The following NOTCH3 variants were observed in gnomAD, a reference collection of about 807,000 sequenced individuals.
NOTCH3 encodes notch receptor 3, also known as neurogenic locus notch homolog protein 3.
A neutral mutation model predicts 213.3 loss-of-function variants in NOTCH3; 86 were observed. The ratio of observed to expected loss-of-function variants is 0.40; its 90% CI spans 0.34 to 0.48. The LOEUF (loss-of-function observed/expected upper bound fraction) is 0.48, where lower values mean the gene tolerates loss of function less well. Ranked by LOEUF, NOTCH3 falls within the 20% of genes least tolerant of loss-of-function variation. NOTCH3 has a pLI of 0.57. For synonymous variants in NOTCH3, 1,354 were observed against 1,355.9 expected, an observed-to-expected ratio of 1.00 and a Z score of 0.03; for missense variants, 2,783 against 3,272.6, an observed-to-expected ratio of 0.85 and a Z score of 3.65.
chr19:15,197,129 G>A (rs969281565), intron 2 of NOTCH3, among the ~76,000 whole-genome samples: 19 of 152,222 alleles, frequency 1.2e-4, no homozygotes, highest in African/African-American at 4.3e-4. Context: ...GAGCCACTGC[G>A]ATTGGTCCCT....
intron 4 of NOTCH3, 24 bp downstream of exon 4, chr19:15,191,936 C>T (rs766350932): frequency 1.9e-6 from 3 of 1,613,492 alleles, no homozygotes; most frequent in African/African-American, 2.7e-5. Flanking sequence ...ACCCCTCTGA[C>T]TCTCCTGAGT....
rs748516303 is a variant in NOTCH3, at chr19:15,160,862, C to A, written c.6766G>T (p.Ala2256Ser). Residue 2256 changes from alanine to serine, a missense_variant, in exon 33 of 33, where the codon GCC becomes TCC. Ala to Ser is a moderately conservative substitution (Grantham distance 99, BLOSUM62 1). This residue lies in a region of NOTCH3 where 441 missense variants were observed against 432.1 expected (regional missense o/e 1.02). Transcript: ENST00000263388. The stretch of plus-strand genomic sequence containing the variant: ...GAGAGGGAGGGAGGTGAGGGGCTGG[C>A]CCAGTGCTCAGGGGATTCGGGGGAT... Reference protein sequence around the residue: ...TPSPESPEHWASPSPPSLSDW... With the variant: ...TPSPESPEHWSSPSPPSLSDW... 3.7e-6 allele frequency: 6 copies of A among 1,613,792 alleles called. No homozygotes were observed. In the African/African-American group the frequency reaches 8.0e-5, roughly 22 times the overall value.
intron 28 of NOTCH3, 68 bp downstream of exon 28, chr19:15,170,018 G>C (rs987944647): frequency 1.1e-6 from 1 of 877,350 alleles, no homozygotes; most frequent in Admixed American, 2.0e-5. Flanking sequence ...TCATCCACTG[G>C]GGACCCCACC....
intron 17 of NOTCH3, 152 bp from the exon 18 acceptor site, chr19:15,181,314 C>T: frequency 2.5e-6 from 2 of 791,442 alleles, no homozygotes; most frequent in Non-Finnish European, 2.1e-6. Flanking sequence ...CCAATCAGGT[C>T]CCTTAGCTCC....
intron 25 of NOTCH3, among the ~76,000 whole-genome samples, chr19:15,173,632 A>C (rs2046758406): frequency 6.6e-6 from 1 of 150,516 alleles, no homozygotes; most frequent in Non-Finnish European, 1.5e-5. Context: ...CTGGAGGCTG[A>C]GGCAGAGAAT....
At chr19:15,175,562 T>TATATAC (rs1313421470) in intron 24 of NOTCH3, among the ~76,000 whole-genome samples, 1 of 58,024 alleles carries the variant, frequency 1.7e-5, no homozygotes, top group Admixed American at 1.7e-4. Flanking sequence ...AATACATATA[T>TATATAC]ATATATATAT....
chr19:15,194,880 C>T (rs1193922446), intron 2 of NOTCH3, among the ~76,000 whole-genome samples: 2 of 151,402 alleles, frequency 1.3e-5, no homozygotes, highest in African/African-American at 2.4e-5. Context: ...TCGCTTGAAC[C>T]CAGGAGATAG....
Position 15,187,894 on chromosome 19 carries a change from G to A in NOTCH3, c.1593C>T (p.Cys531=), listed in dbSNP as rs1273411247. The part of the protein sequence containing the change: ...KCVDQPDGYE[C]RCAEGFEGTL... ...GGCCCGCCTCACCCTCGGCACAGCG[G>A]CACTCGTAGCCATCGGGCTGGTCCA... The change falls in exon 10 of 33, where the codon TGC becomes TGT. Residue 531 remains cysteine, a synonymous_variant. Coordinates refer to ENST00000263388, the MANE Select transcript of NOTCH3 (RefSeq NM_000435.3). The A allele has an allele frequency of 6.5e-7, 1 of 1,549,028 alleles. No individual in the cohort carries two copies. Among genetic ancestry groups the A allele is most frequent in the Non-Finnish European group, 8.7e-7 (1 of 1,146,648 alleles).
intron 6 of NOTCH3, among the ~76,000 whole-genome samples, 185 bp from the exon 7 acceptor site, chr19:15,189,613 G>A (rs2046912678): frequency 6.6e-6 from 1 of 152,280 alleles, no homozygotes; most frequent in East Asian, 1.9e-4. Context: ...CCACCTCCCA[G>A]GTTCAAGCGA....
intron 25 of NOTCH3, among the ~76,000 whole-genome samples, chr19:15,171,395 G>C (rs1229307822): frequency 6.6e-6 from 1 of 152,138 alleles, no homozygotes; most frequent in African/African-American, 2.4e-5. Context: ...TGTCGCCCAG[G>C]CTAGAGCACA....
chr19:15,167,495 T>C (rs2046695897), intron 28 of NOTCH3, 84 bp from the exon 29 acceptor site: 2 of 1,306,506 alleles, frequency 1.5e-6, no homozygotes, highest in Non-Finnish European at 2.2e-6. Context: ...TGGGCATTCC[T>C]ACAGGTTTCT....
rs2145427737 is a variant in NOTCH3 at position 15,184,373 on chromosome 19, C to T, written c.2488G>A (p.Ala830Thr). The change falls in exon 16 of 33, where the codon GCA becomes ACA. Residue 830 changes from alanine (A) to threonine (T), a missense_variant. Ala to Thr is a moderately conservative substitution (Grantham distance 58). Around this residue, in one of 6 missense-constraint regions of NOTCH3, gnomAD observed 861 missense variants for 909.1 expected, o/e 0.95. Coordinates refer to ENST00000263388, the MANE Select transcript of NOTCH3 (RefSeq NM_000435.3). The part of the protein sequence containing the change: ...CGPHGICTNL[A>T]GSFSCTCHGG... Reference sequence around the variant, plus strand: ...TGGCAGGTGCAGCTGAAACTCCCTGCCAGGTTGGTGCAGATACCATGAGGG... The same window carrying T: ...TGGCAGGTGCAGCTGAAACTCCCTGTCAGGTTGGTGCAGATACCATGAGGG... 6.2e-7 allele frequency: 1 copy of T among 1,613,854 alleles called. No homozygotes were observed. Among genetic ancestry groups the T allele is most frequent in the Non-Finnish European group, 8.5e-7 (1 of 1,179,936 alleles).
intron 1 of NOTCH3, among the ~76,000 whole-genome samples, chr19:15,199,560 A>G (rs566116704): frequency 3.2e-4 from 49 of 151,878 alleles, no homozygotes; most frequent in Non-Finnish European, 5.6e-4. Flanking sequence ...ATGTATGTCA[A>G]TGTGTGAGCT....
At chr19:15,172,970 T>C (rs1249356236) in intron 25 of NOTCH3, among the ~76,000 whole-genome samples, 9 of 146,246 alleles carry the variant, frequency 6.2e-5, no homozygotes, top group Non-Finnish European at 1.3e-4. Context: ...TTCTTTCTTC[T>C]TCTTCCTCTT....
intron 1 of NOTCH3, among the ~76,000 whole-genome samples, chr19:15,197,793 G>A (rs987495640): frequency 7.8e-6 from 1 of 128,902 alleles, no homozygotes; most frequent in African/African-American, 2.8e-5. Context: ...CTGCCAGCTC[G>A]AGCCCTGGGA....
chr19:15,195,304 C>T (rs1451086009), intron 2 of NOTCH3, among the ~76,000 whole-genome samples: 1 of 152,018 alleles, frequency 6.6e-6, no homozygotes, highest in Admixed American at 6.5e-5. Flanking sequence ...ACCTGCAGCC[C>T]CCTCCCCAAG....
At chr19:15,173,041 C>CT (rs1232672723) in intron 25 of NOTCH3, among the ~76,000 whole-genome samples, 4 of 15,834 alleles carry the variant, frequency 2.5e-4, no homozygotes, top group Non-Finnish European at 3.9e-4. Context: ...CTCCCCCTCC[C>CT]CCTCCCTCCT....
Position 15,160,707 on chromosome 19 carries a change from C to A in NOTCH3, c.6921G>T (p.Leu2307=). ...PSSLAQAQTQ[L]GPQPEVTPKR... is the part of the protein sequence containing the mutation. ...TGGGGGTAACTTCCGGCTGGGGCCCCAGCTGGGTCTGGGCCTGAGCAAGGG... is the reference window on the plus strand; with the variant it reads ...TGGGGGTAACTTCCGGCTGGGGCCCAAGCTGGGTCTGGGCCTGAGCAAGGG... Residue 2307 remains leucine (L), a synonymous_variant, in exon 33 of 33, where the codon CTG becomes CTT. Transcript: ENST00000263388. 1 of 1,614,188 alleles carries A rather than the reference C, an allele frequency of 6.2e-7. No homozygotes were observed. The highest frequency in any genetic ancestry group is 8.5e-7 in the Non-Finnish European group (1 of 1,180,026).
Position 15,181,128 on chromosome 19 carries a change from C to G in NOTCH3, c.2827G>C (p.Val943Leu). ...CGGCACAGGCAGCTGAACGAGTTCA[C>G]GCCGTCCACACAGGTCCCGCCATTG... The part of the protein sequence containing the change: ...CFNGGTCVDG[V>L]NSFSCLCRPG... The change falls in exon 18 of 33, where the codon GTG (valine) becomes CTG (leucine). Residue 943 changes from valine to leucine, a missense_variant. This residue lies in a region of NOTCH3 where 861 missense variants were observed against 909.1 expected (regional missense o/e 0.95). Coordinates refer to ENST00000263388, the MANE Select transcript of NOTCH3 (RefSeq NM_000435.3). The G allele has an allele frequency of 1.2e-6, 2 of 1,607,520 alleles. No homozygotes were observed. Among genetic ancestry groups the G allele is most frequent in the Non-Finnish European group, 1.7e-6 (2 of 1,177,700 alleles).
Sources: gnomAD v4.1 joint callset for allele counts (sites outside exome capture counted in the v4.1 genomes callset) on GRCh38, gnomAD v4.1.1 for gene constraint, gnomAD v4.1.1 regional missense constraint, MANE v1.5 for transcripts, NCBI Gene and HGNC (gene_info 2026-07-23, HGNC 2026-07-21) for gene names.